The following ITCH variants were observed in gnomAD, a reference collection of about 807,000 sequenced individuals.
ITCH encodes E3 ubiquitin-protein ligase Itchy homolog.
ITCH carries 28 observed loss-of-function variants against 126.8 expected under a neutral mutation model. The ratio of observed to expected loss-of-function variants is 0.22; its 90% CI spans 0.16 to 0.30. The LOEUF is 0.30. Among genes scored for constraint, ITCH ranks in the 10% least tolerant of loss-of-function variants. The probability of loss-of-function intolerance (pLI) is 1.00; values close to 1 mark genes in which losing one functional copy is unlikely to be tolerated. For synonymous variants in ITCH, 342 were observed against 340.0 expected, an observed-to-expected ratio of 1.01 and a Z score of -0.06; for missense variants, 631 against 1,032.4, an observed-to-expected ratio of 0.61 and a Z score of 5.33.
chr20:34,377,109 C>A (rs1389393501), intron 2 of ITCH, among the ~76,000 whole-genome samples: 1 of 152,122 alleles, frequency 6.6e-6, no homozygotes, highest in Non-Finnish European at 1.5e-5. Context: ...CATGGTGGCT[C>A]ACACCTGTAA....
chr20:34,509,415 T>C lies in ITCH; in HGVS notation c.*1621T>C, dbSNP rs1978521290. ...GAATAAGCAGCAGAACCCTGTTCCA[T>C]ATGGAAAAAAGAAAAACAATTTTTT... On this transcript the variant is annotated 3_prime_UTR_variant, in exon 25 of 25. Coordinates refer to ENST00000374864, the MANE Select transcript of ITCH (RefSeq NM_031483.7). The C allele has an allele frequency of 6.6e-6, 1 of 152,532 alleles. No individual in the cohort carries two copies. The highest frequency in any genetic ancestry group is 2.4e-5 in the African/African-American group (1 of 41,454). The allele number at this position is 152,532 out of a possible 1,614,324, so 9.4% of individuals were successfully genotyped here.
At chr20:34,455,618 A>G (rs1302608227) in intron 12 of ITCH, among the ~76,000 whole-genome samples, 1 of 145,956 alleles carries the variant, frequency 6.9e-6, no homozygotes, top group Non-Finnish European at 1.5e-5. Flanking sequence ...GCACACCGCC[A>G]TGCCTGGCTA....
At chr20:34,499,407 C>G (rs1444001350) in intron 23 of ITCH, among the ~76,000 whole-genome samples, 1 of 146,560 alleles carries the variant, frequency 6.8e-6, no homozygotes, top group Non-Finnish European at 1.5e-5. Context: ...AGCTTTTCTG[C>G]TTTTTCTTGG....
chr20:34,458,203 A>G (rs2146359312), intron 13 of ITCH, among the ~76,000 whole-genome samples: 1 of 152,272 alleles, frequency 6.6e-6, no homozygotes, highest in African/African-American at 2.4e-5. Flanking sequence ...ACCATGTAGG[A>G]TTAAGAATGC....
intron 2 of ITCH, among the ~76,000 whole-genome samples, chr20:34,378,213 G>A (rs1419084057): frequency 6.6e-6 from 1 of 152,124 alleles, no homozygotes; most frequent in African/African-American, 2.4e-5. Flanking sequence ...GCTCACGCCT[G>A]TAATCCCAGC....
At chr20:34,393,968 A>G in intron 3 of ITCH, 87 bp downstream of exon 3, 3 of 1,247,798 alleles carry the variant, frequency 2.4e-6, no homozygotes, top group Non-Finnish European at 3.5e-6. Flanking sequence ...ATGGTGGCCC[A>G]TGCCTGTAAT....
chr20:34,366,683 A>G (rs569877351), intron 1 of ITCH, among the ~76,000 whole-genome samples: 2 of 152,140 alleles, frequency 1.3e-5, no homozygotes, highest in African/African-American at 4.8e-5. Context: ...CCTGGGCAAC[A>G]TGGTGATATC....
chr20:34,479,548 T>G (rs1042467374), intron 17 of ITCH, 82 bp from the exon 18 acceptor site: 2 of 1,142,236 alleles, frequency 1.8e-6, no homozygotes, highest in Non-Finnish European at 2.6e-6. Flanking sequence ...GGGGTATAGA[T>G]CCCTGAGAAC....
chr20:34,367,995 G>A lies in ITCH; in HGVS notation c.-98-1399G>A, dbSNP rs577734863. Among the ~76,000 whole-genome samples, 14 of 152,298 alleles carry A rather than the reference G, an allele frequency of 9.2e-5. No homozygotes were observed. The South Asian group carries it at 2.7e-3, about 29-fold the overall frequency. ...CTTAAGAAATTTGTGTTAGGGCCGG[G>A]CGCGGTGGCTCATGCCTGTAATCCC... On this transcript the variant is annotated intron_variant, in intron 1 of 24. Transcript: ENST00000374864.
chr20:34,414,781 C>G (rs932352135), intron 6 of ITCH, among the ~76,000 whole-genome samples: 1 of 152,040 alleles, frequency 6.6e-6, no homozygotes, highest in Non-Finnish European at 1.5e-5. Context: ...CATCCGGCCT[C>G]TAAATCCTTC....
chr20:34,477,778 A>G lies in ITCH; in HGVS notation c.1576A>G (p.Ser526Gly). Residue 526 changes from serine (S) to glycine (G), a missense_variant, in exon 17 of 25, where the codon AGC becomes GGC. Ser to Gly is a moderately conservative substitution (Grantham distance 56). Coordinates refer to ENST00000374864, the MANE Select transcript of ITCH (RefSeq NM_031483.7). ...TTACTTTATTTTTTTTTAGATAATG[A>G]GCTTCAGTCCCCAAGATCTGCGAAG... ...LFEDSFQQIM[S>G]FSPQDLRRRL... The G allele has an allele frequency of 6.2e-7, 1 of 1,613,330 alleles. No individual in the cohort carries two copies. The highest frequency in any genetic ancestry group is 8.5e-7 in the Non-Finnish European group (1 of 1,179,600).
At chr20:34,478,521 A>G (rs543518617) in intron 17 of ITCH, among the ~76,000 whole-genome samples, 1 of 152,324 alleles carries the variant, frequency 6.6e-6, no homozygotes, top group African/African-American at 2.4e-5. Flanking sequence ...GTGCAAAGAC[A>G]AGGACTTTGG....
At chr20:34,506,911 T>C (rs1990652631) in intron 24 of ITCH, among the ~76,000 whole-genome samples, 1 of 152,256 alleles carries the variant, frequency 6.6e-6, no homozygotes, top group South Asian at 2.1e-4. Flanking sequence ...TTCCTCCTTT[T>C]TAATGCTGAA....
intron 20 of ITCH, among the ~76,000 whole-genome samples, 153 bp downstream of exon 20, chr20:34,481,359 G>GT (rs35351679): frequency 4.6e-5 from 7 of 151,412 alleles, no homozygotes; most frequent in South Asian, 2.1e-4. Flanking sequence ...TTTCTAAAAA[G>GT]TTTTTTTTTA....
At chr20:34,381,689 G>A (rs1447241360) in intron 2 of ITCH, among the ~76,000 whole-genome samples, 2 of 151,980 alleles carry the variant, frequency 1.3e-5, no homozygotes, top group Non-Finnish European at 2.9e-5. Context: ...GCCTCCCAAA[G>A]TGCTGAGATT....
At chr20:34,491,219 A>T (rs1460694395) in intron 22 of ITCH, among the ~76,000 whole-genome samples, 2 of 152,240 alleles carry the variant, frequency 1.3e-5, no homozygotes, top group Non-Finnish European at 2.9e-5. Context: ...CTAAAAAGTA[A>T]TGAGATTTTT....
At chr20:34,375,117 C>T (rs1367884744) in intron 2 of ITCH, among the ~76,000 whole-genome samples, 1 of 150,086 alleles carries the variant, frequency 6.7e-6, no homozygotes, top group Admixed American at 6.7e-5. Context: ...TCTTGGCTTA[C>T]CATAACCTCC....
intron 20 of ITCH, among the ~76,000 whole-genome samples, chr20:34,483,752 C>A (rs887520888): frequency 3.9e-5 from 6 of 152,196 alleles, no homozygotes; most frequent in African/African-American, 1.4e-4. Flanking sequence ...AAGTTGCATC[C>A]ACATTTTCAG....
intron 2 of ITCH, among the ~76,000 whole-genome samples, chr20:34,384,994 A>G (rs1237864596): frequency 6.6e-6 from 1 of 151,530 alleles, no homozygotes; most frequent in Non-Finnish European, 1.5e-5. Flanking sequence ...ATGTATAGAT[A>G]TTTAGAGATG....
Sources: allele counts gnomAD v4.1 joint callset (sites outside exome capture counted in the v4.1 genomes callset), GRCh38; gene constraint gnomAD v4.1.1; transcripts MANE v1.5; gene names NCBI Gene and HGNC (gene_info 2026-07-23, HGNC 2026-07-21).